The following BICC1 variants were observed in gnomAD, a reference collection of about 807,000 sequenced individuals.
BICC1 encodes the protein protein bicaudal C homolog 1.
Under a neutral mutation model 111.0 loss-of-function variants are expected in BICC1, and 43 were observed. The ratio of observed to expected loss-of-function variants is 0.39; its 90% CI spans 0.30 to 0.50. The LOEUF (loss-of-function observed/expected upper bound fraction) is 0.50. Among genes scored for constraint, BICC1 ranks in the 20% least tolerant of loss-of-function variants. BICC1 has a pLI of 0.88. For missense variants in BICC1, 1,091 were observed against 1,203.2 expected (o/e 0.91, Z 1.38); for synonymous variants, 467 against 434.4 (o/e 1.07, Z -0.93).
intron 3 of BICC1, among the ~76,000 whole-genome samples, chr10:58,764,143 C>CAA (rs1260668264): frequency 3.3e-5 from 5 of 152,152 alleles, no homozygotes; most frequent in African/African-American, 1.2e-4. Context: ...GAGTTCACTT[C>CAA]AGTAGACCCA....
intron 2 of BICC1, among the ~76,000 whole-genome samples, chr10:58,640,196 A>G (rs1387302010): frequency 6.6e-6 from 1 of 152,156 alleles, no homozygotes; most frequent in Non-Finnish European, 1.5e-5. Flanking sequence ...TTGAATCCAC[A>G]CTGTAGTTTT....
At chr10:58,678,536 A>G (rs1054249991) in intron 2 of BICC1, among the ~76,000 whole-genome samples, 1 of 152,218 alleles carries the variant, frequency 6.6e-6, no homozygotes, top group African/African-American at 2.4e-5. Context: ...AGATTCATAA[A>G]GCAAGTTCTT....
intron 3 of BICC1, among the ~76,000 whole-genome samples, chr10:58,724,175 A>G (rs1217774257): frequency 6.6e-6 from 1 of 152,238 alleles, no homozygotes; most frequent in African/African-American, 2.4e-5. Context: ...TAACTTATGC[A>G]TGTTCTCCAG....
chr10:58,629,662 G>A (rs1428896174), intron 2 of BICC1, among the ~76,000 whole-genome samples: 1 of 152,062 alleles, frequency 6.6e-6, no homozygotes, highest in Non-Finnish European at 1.5e-5. Flanking sequence ...TTTGAAGTTT[G>A]TACCTTTGGT....
chr10:58,679,251 G>GT (rs911013899), intron 2 of BICC1, among the ~76,000 whole-genome samples: 65 of 152,190 alleles, frequency 4.3e-4, no homozygotes, highest in African/African-American at 1.4e-3. Flanking sequence ...CCAGGAGCTG[G>GT]TTTTTTGAAA....
In BICC1 at chr10:58,660,329, C is replaced by T. The variant is rs144418372; in HGVS notation, c.237+39428C>T. The stretch of plus-strand genomic sequence containing the variant: ...AAGGAGAGTATAGTAATAGGGGACA[C>T]ATTTCCTGCCCTAAAATCATTTCTC... On this transcript the variant is annotated intron_variant, in intron 2 of 20. Coordinates refer to ENST00000373886, the MANE Select transcript of BICC1 (RefSeq NM_001080512.3). Among the ~76,000 whole-genome samples, 214 of 152,238 alleles carry T rather than the reference C, an allele frequency of 1.4e-3. 1 individual carries two copies. The highest frequency in any genetic ancestry group is 4.8e-3 in the African/African-American group (199 of 41,546).
chr10:58,772,827 A>T (rs1486045648), intron 3 of BICC1, among the ~76,000 whole-genome samples: 1 of 152,230 alleles, frequency 6.6e-6, no homozygotes, highest in Admixed American at 6.5e-5. Context: ...AAAGATGTGT[A>T]CTGCATATAT....
At chr10:58,584,495 A>G (rs1197372526) in intron 1 of BICC1, among the ~76,000 whole-genome samples, 3 of 152,186 alleles carry the variant, frequency 2.0e-5, no homozygotes, top group Admixed American at 6.5e-5. Context: ...TGATGTGCTT[A>G]GGTCTGGGCC....
chr10:58,611,112 A>T (rs17694070), intron 1 of BICC1, among the ~76,000 whole-genome samples: 12,663 of 152,238 alleles, frequency 0.083, 550 homozygotes, highest in African/African-American at 0.091. Flanking sequence ...TGCCTTATAC[A>T]CTGTGGGCTG....
intron 1 of BICC1, among the ~76,000 whole-genome samples, chr10:58,539,753 A>T (rs1842913383): frequency 6.6e-6 from 1 of 151,902 alleles, no homozygotes; most frequent in Admixed American, 6.6e-5. Flanking sequence ...AGAGAAACAG[A>T]GCACTTGAAT....
intron 1 of BICC1, among the ~76,000 whole-genome samples, chr10:58,566,179 C>A (rs1564490437): frequency 6.6e-6 from 1 of 151,106 alleles, no homozygotes; most frequent in Admixed American, 6.6e-5. Context: ...TACATATACA[C>A]ACGTGTGTAT....
intron 11 of BICC1, among the ~76,000 whole-genome samples, 153 bp from the exon 12 acceptor site, chr10:58,798,903 T>G (rs1027847956): frequency 6.6e-6 from 1 of 152,160 alleles, no homozygotes; most frequent in Non-Finnish European, 1.5e-5. Context: ...CTTTTGTGTT[T>G]TTATAGTAAA....
At chr10:58,702,745 C>T (rs1840275481) in intron 3 of BICC1, among the ~76,000 whole-genome samples, 1 of 152,122 alleles carries the variant, frequency 6.6e-6, no homozygotes, top group South Asian at 2.1e-4. Context: ...ATGTGACCTG[C>T]CAATATATAT....
chr10:58,625,095 T>G (rs556638236), intron 2 of BICC1, among the ~76,000 whole-genome samples: 3 of 152,234 alleles, frequency 2.0e-5, no homozygotes, highest in Non-Finnish European at 4.4e-5. Context: ...CGGCTCTGAC[T>G]ACACTTATAA....
chr10:58,789,494 C>T, intron 7 of BICC1, 38 bp downstream of exon 7: 2 of 1,553,550 alleles, frequency 1.3e-6, no homozygotes, highest in South Asian at 1.2e-5. Flanking sequence ...CCTATATGTA[C>T]AAGTTACATG....
In BICC1 at chr10:58,571,352, C is replaced by T. The variant is rs189654456; in HGVS notation, c.191-49503C>T. ...TTATTTCCAACTTTTATTGTAAGTT[C>T]AGGGATACATGTGCAGGATGCACAG... On this transcript the variant is annotated intron_variant, in intron 1 of 20. Coordinates refer to ENST00000373886, the MANE Select transcript of BICC1 (RefSeq NM_001080512.3). Among the ~76,000 whole-genome samples the T allele has an allele frequency of 4.1e-3, 624 of 152,086 alleles. 10 individuals carry two copies. The highest frequency in any genetic ancestry group is 0.034 in the Middle Eastern group (10 of 294).
chr10:58,777,933 A>G (rs1218776569), intron 3 of BICC1, among the ~76,000 whole-genome samples: 2 of 152,094 alleles, frequency 1.3e-5, no homozygotes, highest in African/African-American at 2.4e-5. Flanking sequence ...TTAAAATAAG[A>G]TATTGGCTGG....
intron 3 of BICC1, among the ~76,000 whole-genome samples, chr10:58,747,363 A>G (rs1400257483): frequency 6.6e-6 from 1 of 152,180 alleles, no homozygotes; most frequent in Non-Finnish European, 1.5e-5. Context: ...AAAAATACAG[A>G]AATGAACTTT....
intron 1 of BICC1, among the ~76,000 whole-genome samples, chr10:58,556,264 A>T (rs1346100101): frequency 6.6e-6 from 1 of 152,126 alleles, no homozygotes; most frequent in East Asian, 1.9e-4. Flanking sequence ...GCAGCTTCTC[A>T]GATATTCTGA....
Sources: allele counts gnomAD v4.1 joint callset (sites outside exome capture counted in the v4.1 genomes callset), GRCh38; gene constraint gnomAD v4.1.1; transcripts MANE v1.5; gene names NCBI Gene and HGNC (gene_info 2026-07-23, HGNC 2026-07-21).